A2M: variants seen among roughly 807,000 people sequenced by gnomAD.
A2M encodes alpha-2-macroglobulin.
A neutral mutation model predicts 183.9 loss-of-function variants in A2M; 128 were observed. That is an observed-to-expected ratio of 0.70 (90% CI 0.60 to 0.81). The LOEUF is 0.81. Among genes scored for constraint, A2M ranks in the 30% least tolerant of loss-of-function variants. The pLI, the probability that A2M is intolerant of heterozygous loss-of-function variation, is 0.00. For missense variants in A2M, 1,495 were observed against 1,787.6 expected (o/e 0.84, Z 2.95); for synonymous variants, 592 against 670.8 (o/e 0.88, Z 1.81).
Position 9,068,178 on chromosome 12 carries a change from C to T in A2M, c.4408+5G>A. 6.2e-7 allele frequency: 1 copy of T among 1,612,526 alleles called. No homozygotes were observed. The highest frequency in any genetic ancestry group is 2.2e-5 in the East Asian group (1 of 44,848). On this transcript the variant is annotated splice_donor_5th_base_variant and intron_variant, in intron 35 of 35. Transcript: ENST00000318602. ...CTGCCTTTTGGAGGAGTGTGAGTGG[C>T]TTACCTTTGCTGCAAGGAGCATTGT...
At chr12:9,097,590 T>C (rs1462785614) in intron 15 of A2M, among the ~76,000 whole-genome samples, 2 of 152,040 alleles carry the variant, frequency 1.3e-5, no homozygotes, top group Non-Finnish European at 2.9e-5. Context: ...CCTCAGAAAT[T>C]ATGTGTAGCT....
chr12:9,106,934 C>A (rs756285230), intron 8 of A2M, among the ~76,000 whole-genome samples: 7 of 152,088 alleles, frequency 4.6e-5, no homozygotes, highest in Non-Finnish European at 8.8e-5. Context: ...TTGTTACATG[C>A]AGAGAATGTG....
chr12:9,076,748 G>T lies in A2M; in HGVS notation c.3532+8C>A. On this transcript the variant is annotated splice_region_variant and intron_variant, in intron 28 of 35. Coordinates refer to ENST00000318602, the MANE Select transcript of A2M (RefSeq NM_000014.6). ...GGGCCAGGAGAAGGATCTCAGGTGT[G>T]CTCTCACCTTTCTTCACAGCTTCCT... 6.2e-7 allele frequency: 1 copy of T among 1,613,740 alleles called. No homozygotes were observed. The highest frequency in any genetic ancestry group is 8.5e-7 in the Non-Finnish European group (1 of 1,179,780).
Position 9,089,949 on chromosome 12 carries a change from G to A in A2M, c.2671C>T (p.Pro891Ser), listed in dbSNP as rs1949158797. The A allele has an allele frequency of 6.2e-7, 1 of 1,612,212 alleles. No homozygotes were observed. Among genetic ancestry groups the A allele is most frequent in the African/African-American group, 1.3e-5 (1 of 74,796 alleles). ...ACTGTGTCTTTCCTTCCGTGTTCAG[G>A]AACTGAAGGCACCTCAGTCCCACAC... ...ELCGTEVPSVPEHGRKDTVIK... is the reference protein window; with the variant it reads ...ELCGTEVPSVSEHGRKDTVIK... Residue 891 changes from proline (P) to serine (S), a missense_variant, in exon 21 of 36, where the codon CCT (proline) becomes TCT (serine). Transcript: ENST00000318602.
chr12:9,113,818 A>C (rs1306572658), intron 1 of A2M, among the ~76,000 whole-genome samples: 1 of 152,242 alleles, frequency 6.6e-6, no homozygotes, highest in Non-Finnish European at 1.5e-5. Flanking sequence ...TGAACATCTG[A>C]ATTCAAATAA....
At chr12:9,083,145 AAAAC>A (rs1446384017) in intron 22 of A2M, among the ~76,000 whole-genome samples, 1 of 152,194 alleles carries the variant, frequency 6.6e-6, no homozygotes, top group African/African-American at 2.4e-5. Context: ...CAAGGACAGA[AAAAC>A]AAACACCGCA....
intron 7 of A2M, among the ~76,000 whole-genome samples, chr12:9,108,207 C>T (rs1188893080): frequency 6.6e-6 from 1 of 152,086 alleles, no homozygotes; most frequent in Non-Finnish European, 1.5e-5. Context: ...CTCACTGCAA[C>T]CTCCACCTCC....
rs1259024079 is a variant in A2M, at chr12:9,074,774, A to G, written c.3542T>C (p.Val1181Ala). The change falls in exon 29 of 36, where the codon GTC (valine) becomes GCC (alanine). Residue 1181 changes from valine (V) to alanine (A), a missense_variant. By Grantham distance (64) the Val-to-Ala change is moderately conservative. Transcript: ENST00000318602. Reference sequence around the variant, plus strand: ...GGGTTTCTGAGGGCGCTCCCAATGGACAGAGTTGTCTTAAAGATGAGAAAA... The same window carrying G: ...GGGTTTCTGAGGGCGCTCCCAATGGGCAGAGTTGTCTTAAAGATGAGAAAA... ...NEEAVKKDNS[V>A]HWERPQKPKA... 2 of 1,612,004 alleles carry G rather than the reference A, an allele frequency of 1.2e-6. No homozygotes were observed. Among genetic ancestry groups the G allele is most frequent in the Non-Finnish European group, 1.7e-6 (2 of 1,179,046 alleles).
At chr12:9,109,713 C>T (rs1369691860) in intron 6 of A2M, among the ~76,000 whole-genome samples, 154 bp downstream of exon 6, 1 of 152,212 alleles carries the variant, frequency 6.6e-6, no homozygotes, top group East Asian at 1.9e-4. Context: ...TCACAGATCA[C>T]TGATGTCCTC....
chr12:9,109,161 G>A (rs918978660), intron 7 of A2M, among the ~76,000 whole-genome samples, 160 bp downstream of exon 7: 5 of 152,120 alleles, frequency 3.3e-5, no homozygotes, highest in African/African-American at 1.2e-4. Context: ...AATAAAAATA[G>A]AAAAGCAACA....
chr12:9,111,526 T>G (rs975553801), intron 4 of A2M: 1 of 456,408 alleles, frequency 2.2e-6, no homozygotes, highest in African/African-American at 2.0e-5. Flanking sequence ...CTGAATATAT[T>G]TTAAGCCAAC....
chr12:9,101,120 T>C (rs1937804349), intron 13 of A2M, 24 bp downstream of exon 13: 1 of 1,553,380 alleles, frequency 6.4e-7, no homozygotes, highest in African/African-American at 1.4e-5. Context: ...GGGGCAGCAA[T>C]GCAGAGATGA....
At position 9,069,897 on chromosome 12, in the gene A2M, A is replaced by C; in HGVS notation, c.4195-84T>G. The C allele has an allele frequency of 5.2e-6, 6 of 1,148,810 alleles. No individual in the cohort carries two copies. In the South Asian group the frequency reaches 7.6e-5, roughly 14 times the overall value. The allele number at this position is 1,148,810 out of a possible 1,614,324, so 71.2% of individuals were successfully genotyped here. ...AGAGAAAAAATCTTTGTATTGCCAAAATAACCCTGAGGGTAGAATTCTTCA... is the reference window on the plus strand; with the variant it reads ...AGAGAAAAAATCTTTGTATTGCCAACATAACCCTGAGGGTAGAATTCTTCA... On this transcript the variant is annotated intron_variant, in intron 32 of 35. Coordinates refer to ENST00000318602, the MANE Select transcript of A2M (RefSeq NM_000014.6).
Position 9,067,717 on chromosome 12 carries a change from C to T in A2M, c.*106G>A. The T allele has an allele frequency of 1.0e-6, 1 of 953,402 alleles. No individual in the cohort carries two copies. Among genetic ancestry groups the T allele is most frequent in the South Asian group, 1.4e-5 (1 of 72,272 alleles). 59.1% of individuals were successfully genotyped at this position (953,402 alleles called of 1,614,324 possible). ...ACAGGAAACAGGGAAAGACATTGAC[C>T]AGAAAAAGTGTTTATTCATCAAGTC... On this transcript the variant is annotated 3_prime_UTR_variant, in exon 36 of 36. Coordinates refer to ENST00000318602, the MANE Select transcript of A2M (RefSeq NM_000014.6).
At chr12:9,092,110 G>A (rs1269749467) in intron 18 of A2M, among the ~76,000 whole-genome samples, 1 of 152,178 alleles carries the variant, frequency 6.6e-6, no homozygotes, top group East Asian at 1.9e-4. Flanking sequence ...AGCCTGCACT[G>A]GGAAGCAGAA....
At chr12:9,079,499 G>A (rs1014289219) in intron 24 of A2M, 140 bp downstream of exon 24, 14 of 1,061,700 alleles carry the variant, frequency 1.3e-5, no homozygotes, top group Non-Finnish European at 1.4e-5. Context: ...AGAGTGGATA[G>A]TTTCCTTGAA....
At chr12:9,094,198 G>A (rs926906694) in intron 17 of A2M, among the ~76,000 whole-genome samples, 2 of 151,832 alleles carry the variant, frequency 1.3e-5, no homozygotes, top group African/African-American at 4.8e-5. Context: ...GTTTACAGGA[G>A]GGAAAAGTTT....
intron 2 of A2M, 54 bp from the exon 3 acceptor site, chr12:9,112,590 C>G (rs1938823441): frequency 6.3e-7 from 1 of 1,599,564 alleles, no homozygotes; most frequent in Admixed American, 1.7e-5. Context: ...GGTCTCCTCC[C>G]CTATTTGCTG....
In A2M at chr12:9,109,311, A is replaced by G. The variant is rs1255504544; in HGVS notation, c.758+10T>C. The G allele has an allele frequency of 6.2e-7, 1 of 1,602,686 alleles. No homozygotes were observed. The highest frequency in any genetic ancestry group is 8.5e-7 in the Non-Finnish European group (1 of 1,170,302). On this transcript the variant is annotated intron_variant, in intron 7 of 35. Transcript: ENST00000318602. ...ATCCCCCACAAAAGATTTTTAAAAA[A>G]TGAACTCACAGGCCACACACTGATA...
Sources: allele counts gnomAD v4.1 joint callset (sites outside exome capture counted in the v4.1 genomes callset), GRCh38; gene constraint gnomAD v4.1.1; transcripts MANE v1.5; gene names NCBI Gene and HGNC (gene_info 2026-07-23, HGNC 2026-07-21).